SLIT2: variants seen among roughly 807,000 people sequenced by gnomAD.
SLIT2 encodes the protein slit homolog 2 protein.
A neutral mutation model predicts 185.7 loss-of-function variants in SLIT2; 41 were observed. The ratio of observed to expected loss-of-function variants is 0.22; its 90% CI spans 0.17 to 0.29. The LOEUF is 0.29. Among genes scored for constraint, SLIT2 ranks in the 10% least tolerant of loss-of-function variants. The pLI is 1.00. For synonymous variants in SLIT2, 693 were observed against 680.2 expected (o/e 1.02, Z -0.29); for missense variants, 1,571 against 1,909.0 (o/e 0.82, Z 3.30).
rs1560452492 is a variant in SLIT2, at chr4:20,472,258, C to CTATATATCTATATATATCTA, written c.467+4442_467+4443insCTATATATATCTATATATAT. 4.5e-4 allele frequency among the ~76,000 whole-genome samples: 14 copies of CTATATATCTATATATATCTA among 31,246 alleles called. 2 individuals carry two copies. The highest frequency in any genetic ancestry group is 6.4e-4 in the Non-Finnish European group (12 of 18,862). 20.5% of individuals were successfully genotyped at this position (31,246 alleles called of 152,430 possible). A position where few individuals can be genotyped will look rare whatever the true frequency, so the allele number is the denominator to read the frequency against. ...TAGATCTATATATCTATATATAGATCTATATATAGATATATATCTATATAT... is the reference window on the plus strand; with the variant it reads ...TAGATCTATATATCTATATATAGATCTATATATCTATATATATCTATATATATAGATATATATCTATATAT... On this transcript the variant is annotated intron_variant, in intron 5 of 36. Coordinates refer to ENST00000504154, the MANE Select transcript of SLIT2 (RefSeq NM_004787.4).
intron 1 of SLIT2, 137 bp from the exon 2 acceptor site, chr4:20,256,535 C>G (rs1431966325): frequency 1.9e-6 from 1 of 517,342 alleles, no homozygotes; most frequent in African/African-American, 2.0e-5. Context: ...AAAGGTTATC[C>G]TCTTCTCCTT....
chr4:20,608,050 A>C (rs1239819323), intron 33 of SLIT2, among the ~76,000 whole-genome samples: 2 of 152,156 alleles, frequency 1.3e-5, no homozygotes, highest in African/African-American at 4.8e-5. Flanking sequence ...TTTACTAAAA[A>C]AGATTCAGAA....
chr4:20,266,745 ACAT>A (rs1560268016), intron 3 of SLIT2, among the ~76,000 whole-genome samples: 1 of 152,004 alleles, frequency 6.6e-6, no homozygotes, highest in African/African-American at 2.4e-5. Flanking sequence ...AGAGACCAGT[ACAT>A]GAATAAATAT....
intron 15 of SLIT2, 44 bp downstream of exon 15, chr4:20,525,216 C>T (rs1160013421): frequency 3.5e-6 from 5 of 1,429,162 alleles, no homozygotes; most frequent in South Asian, 1.1e-5. Flanking sequence ...ACACCCTTTC[C>T]TCACCTTATA....
chr4:20,504,365 G>A (rs1366273758), intron 9 of SLIT2, among the ~76,000 whole-genome samples: 3 of 152,092 alleles, frequency 2.0e-5, no homozygotes, highest in South Asian at 2.1e-4. Flanking sequence ...GAGAAAACGC[G>A]AAGAAGTGTC....
intron 30 of SLIT2, among the ~76,000 whole-genome samples, chr4:20,593,800 G>A (rs1727705147): frequency 6.6e-6 from 1 of 151,874 alleles, no homozygotes; most frequent in African/African-American, 2.4e-5. Flanking sequence ...AAATAAAGTT[G>A]ATAACATACA....
intron 4 of SLIT2, among the ~76,000 whole-genome samples, chr4:20,460,330 A>G (rs1422200682): frequency 6.6e-6 from 1 of 152,112 alleles, no homozygotes; most frequent in East Asian, 1.9e-4. Context: ...TTCAATTAAA[A>G]CTATTTTTTC....
intron 4 of SLIT2, among the ~76,000 whole-genome samples, chr4:20,300,306 A>G (rs1433576807): frequency 6.6e-6 from 1 of 152,110 alleles, no homozygotes; most frequent in African/African-American, 2.4e-5. Flanking sequence ...GTTCTCAGTA[A>G]AGAAAGTGGA....
rs573835434 is a variant in SLIT2 at position 20,280,874 on chromosome 4, C to T, written c.395+11993C>T. Among the ~76,000 whole-genome samples, 20 of 144,180 alleles carry T rather than the reference C, an allele frequency of 1.4e-4. No individual in the cohort carries two copies. In the East Asian group the frequency reaches 3.1e-3, roughly 22 times the overall value. 94.6% of individuals were successfully genotyped at this position (144,180 alleles called of 152,430 possible). ...TGAGACGGAGTTTTTCTCTTGTTGC[C>T]CAGGTTGGAGTGCAATGGCGTGATC... is the stretch of plus-strand genomic sequence containing the variant. On this transcript the variant is annotated intron_variant, in intron 4 of 36. Transcript: ENST00000504154.
intron 4 of SLIT2, among the ~76,000 whole-genome samples, chr4:20,360,394 C>T (rs527400557): frequency 6.6e-6 from 1 of 152,028 alleles, no homozygotes; most frequent in East Asian, 1.9e-4. Context: ...TCATTTCATC[C>T]TAGACAAATG....
At chr4:20,487,008 G>A (rs965853684) in intron 7 of SLIT2, among the ~76,000 whole-genome samples, 2 of 151,930 alleles carry the variant, frequency 1.3e-5, no homozygotes, top group Admixed American at 6.6e-5. Flanking sequence ...TGAAAAAAAA[G>A]TGTTTTTAAG....
intron 29 of SLIT2, among the ~76,000 whole-genome samples, chr4:20,583,611 C>A (rs931192340): frequency 1.3e-5 from 2 of 151,922 alleles, no homozygotes; most frequent in Non-Finnish European, 2.9e-5. Context: ...AGAGATGAGA[C>A]CATCCTGGCC....
intron 18 of SLIT2, among the ~76,000 whole-genome samples, chr4:20,535,413 A>C (rs545993346): frequency 6.6e-6 from 1 of 151,948 alleles, no homozygotes; most frequent in East Asian, 1.9e-4. Context: ...AAATACAAAT[A>C]TTATAACAAG....
chr4:20,607,611 G>A (rs1261346293), intron 33 of SLIT2, among the ~76,000 whole-genome samples: 1 of 152,162 alleles, frequency 6.6e-6, no homozygotes, highest in African/African-American at 2.4e-5. Flanking sequence ...GTTCCCATCT[G>A]ACACACTGCA....
In SLIT2 at chr4:20,528,888, A is replaced by G; in HGVS notation, c.1463-61A>G. ...GTTATCTTACTTTTTTCTTCCTACA[A>G]ACTAATAAATTTTCTAACCTTTAGA... On this transcript the variant is annotated intron_variant, in intron 15 of 36. Transcript: ENST00000504154. The surrounding 1 kb of genome is among the most constrained non-coding windows in gnomAD (Gnocchi z 4.2). 4 of 1,380,464 alleles carry G rather than the reference A, an allele frequency of 2.9e-6. No individual in the cohort carries two copies. The highest frequency in any genetic ancestry group is 4.0e-6 in the Non-Finnish European group (4 of 1,006,532). The allele number at this position is 1,380,464 out of a possible 1,614,324, so 85.5% of individuals were successfully genotyped here.
At chr4:20,372,829 T>C (rs564892153) in intron 4 of SLIT2, among the ~76,000 whole-genome samples, 33 of 152,242 alleles carry the variant, frequency 2.2e-4, no homozygotes, top group Middle Eastern at 6.8e-3. Context: ...AAAAGACCTT[T>C]AATTTCTCTC....
intron 4 of SLIT2, among the ~76,000 whole-genome samples, chr4:20,455,222 C>T (rs1300977069): frequency 6.6e-6 from 1 of 151,996 alleles, no homozygotes; most frequent in Non-Finnish European, 1.5e-5. Context: ...CTAGCATGAT[C>T]AAAAGAATGT....
intron 12 of SLIT2, among the ~76,000 whole-genome samples, chr4:20,523,092 A>G (rs16869706): frequency 0.14 from 20,745 of 152,188 alleles, 1,476 homozygotes; most frequent in African/African-American, 0.15. Context: ...AGAAGGCAGT[A>G]TTAGAGCAGG....
chr4:20,256,547 C>T, intron 1 of SLIT2, 125 bp from the exon 2 acceptor site: 1 of 549,950 alleles, frequency 1.8e-6, no homozygotes, highest in East Asian at 3.1e-5. Flanking sequence ...CTTCTCCTTC[C>T]TACATACTTT....
Sources: allele counts gnomAD v4.1 joint callset (sites outside exome capture counted in the v4.1 genomes callset), GRCh38; gene constraint gnomAD v4.1.1; non-coding constraint Gnocchi (gnomAD v3.1); transcripts MANE v1.5; gene names NCBI Gene and HGNC (gene_info 2026-07-23, HGNC 2026-07-21).